Variants in LRRC4C observed in about 807,000 individuals in gnomAD.
LRRC4C encodes leucine-rich repeat-containing protein 4C.
In LRRC4C, 5 loss-of-function variants were observed where a neutral mutation model predicts 33.6. The ratio of observed to expected loss-of-function variants is 0.15; its 90% CI spans 0.08 to 0.31. LRRC4C has a LOEUF of 0.31. Among genes scored for constraint, LRRC4C ranks in the 10% least tolerant of loss-of-function variants. The pLI, the probability that LRRC4C is intolerant of heterozygous loss-of-function variation, is 1.00. For missense variants in LRRC4C, 560 were observed against 796.7 expected, an observed-to-expected ratio of 0.70 and a Z score of 3.58; for synonymous variants, 329 against 302.0, an observed-to-expected ratio of 1.09 and a Z score of -0.93.
intron 4 of LRRC4C, among the ~76,000 whole-genome samples, chr11:40,288,085 G>T (rs1035000660): frequency 6.6e-5 from 10 of 152,138 alleles, no homozygotes; most frequent in Admixed American, 6.6e-4. Context: ...CATCCTCACG[G>T]CAGACAGTTC....
intron 1 of LRRC4C, among the ~76,000 whole-genome samples, chr11:41,157,226 AG>A (rs1944272846): frequency 6.6e-6 from 1 of 152,078 alleles, no homozygotes; most frequent in Non-Finnish European, 1.5e-5. Context: ...TGTTCCAGAC[AG>A]GGGAAGATAA....
At chr11:41,412,689 G>A (rs1954534199) in intron 1 of LRRC4C, among the ~76,000 whole-genome samples, 1 of 152,188 alleles carries the variant, frequency 6.6e-6, no homozygotes, top group South Asian at 2.1e-4. Flanking sequence ...CAGGACTTGA[G>A]ACAGGGTAAT....
intron 4 of LRRC4C, among the ~76,000 whole-genome samples, chr11:40,313,959 A>G (rs940653371): frequency 2.0e-5 from 3 of 152,054 alleles, no homozygotes; most frequent in African/African-American, 4.8e-5. Context: ...CATTTTATGA[A>G]TAAGACCTCA....
chr11:41,220,810 A>G (rs1470640337), intron 1 of LRRC4C, among the ~76,000 whole-genome samples: 2 of 152,190 alleles, frequency 1.3e-5, no homozygotes, highest in Non-Finnish European at 2.9e-5. Context: ...TATTTATTCA[A>G]ATAACAAGAA....
intron 1 of LRRC4C, among the ~76,000 whole-genome samples, chr11:41,231,836 T>C (rs1249239678): frequency 6.6e-6 from 1 of 151,898 alleles, no homozygotes; most frequent in Non-Finnish European, 1.5e-5. Context: ...TATGTATATA[T>C]ATACACACAT....
At chr11:40,879,857 C>A (rs973227715) in intron 2 of LRRC4C, among the ~76,000 whole-genome samples, 1 of 152,136 alleles carries the variant, frequency 6.6e-6, no homozygotes, top group Non-Finnish European at 1.5e-5. Flanking sequence ...ATTGTATTTT[C>A]CAAAGACAGC....
intron 1 of LRRC4C, among the ~76,000 whole-genome samples, chr11:41,039,540 C>A (rs1857296849): frequency 6.6e-6 from 1 of 152,216 alleles, no homozygotes; most frequent in Admixed American, 6.5e-5. Context: ...TGGCCTACTA[C>A]CAGAAATAGG....
intron 1 of LRRC4C, among the ~76,000 whole-genome samples, chr11:41,081,589 T>C (rs910383708): frequency 6.6e-6 from 1 of 152,142 alleles, no homozygotes; most frequent in Admixed American, 6.5e-5. Flanking sequence ...TATCCACCTA[T>C]TGCAGGGAGA....
At chr11:40,177,852 T>C (rs1236499046) in intron 5 of LRRC4C, among the ~76,000 whole-genome samples, 1 of 152,196 alleles carries the variant, frequency 6.6e-6, no homozygotes, top group Admixed American at 6.5e-5. Flanking sequence ...TCCCCACTGA[T>C]GTACCCCGAG....
At chr11:40,298,271 T>A (rs1293407585) in intron 4 of LRRC4C, among the ~76,000 whole-genome samples, 1 of 152,036 alleles carries the variant, frequency 6.6e-6, no homozygotes, top group African/African-American at 2.4e-5. Flanking sequence ...CCATTTGAAA[T>A]CTTAATAGCT....
chr11:40,414,112 A>G (rs1490398094), intron 3 of LRRC4C, among the ~76,000 whole-genome samples: 2 of 152,104 alleles, frequency 1.3e-5, no homozygotes, highest in East Asian at 3.9e-4. Flanking sequence ...TGGCTAAAAG[A>G]TGATGAAATC....
intron 1 of LRRC4C, among the ~76,000 whole-genome samples, chr11:40,994,958 C>T (rs1051083178): frequency 1.3e-5 from 2 of 152,058 alleles, no homozygotes; most frequent in Admixed American, 1.3e-4. Flanking sequence ...AATGTGACTT[C>T]TTTACACAGA....
At chr11:41,340,698 A>T (rs1453582773) in intron 1 of LRRC4C, among the ~76,000 whole-genome samples, 2 of 152,200 alleles carry the variant, frequency 1.3e-5, no homozygotes, top group Non-Finnish European at 1.5e-5. Context: ...TATTTGTCTC[A>T]GTTTTCTCCT....
intron 3 of LRRC4C, among the ~76,000 whole-genome samples, chr11:40,590,358 T>C (rs1958981860): frequency 7.0e-6 from 1 of 142,688 alleles, no homozygotes; most frequent in Non-Finnish European, 1.6e-5. Flanking sequence ...TATGTATTGG[T>C]TATTCTACTT....
At chr11:41,085,033 C>T (rs1939863418) in intron 1 of LRRC4C, among the ~76,000 whole-genome samples, 2 of 152,146 alleles carry the variant, frequency 1.3e-5, no homozygotes, top group South Asian at 2.1e-4. Flanking sequence ...TAGCCAAGAT[C>T]GACACAGATA....
At chr11:40,771,400 A>G (rs538427012) in intron 2 of LRRC4C, among the ~76,000 whole-genome samples, 7 of 152,246 alleles carry the variant, frequency 4.6e-5, no homozygotes, top group East Asian at 1.9e-4. Context: ...AGCCCAGGAA[A>G]CCATTTTTCC....
chr11:40,728,705 T>C (rs543799204), intron 2 of LRRC4C, among the ~76,000 whole-genome samples: 1 of 150,694 alleles, frequency 6.6e-6, no homozygotes, highest in South Asian at 2.1e-4. Context: ...CTATTCACCA[T>C]AGCAAAGTCA....
At chr11:40,840,777 T>C (rs1952877315) in intron 2 of LRRC4C, among the ~76,000 whole-genome samples, 2 of 152,178 alleles carry the variant, frequency 1.3e-5, no homozygotes, top group Non-Finnish European at 2.9e-5. Context: ...GGCTTATGAA[T>C]AAAGAACAGT....
intron 1 of LRRC4C, among the ~76,000 whole-genome samples, chr11:41,155,804 G>A (rs958966331): frequency 5.9e-5 from 9 of 152,060 alleles, no homozygotes; most frequent in African/African-American, 1.9e-4. Context: ...TTTGCTTCTC[G>A]ATCCCCCTAA....
Sources: gnomAD v4.1 joint callset for allele counts (sites outside exome capture counted in the v4.1 genomes callset) on GRCh38, gnomAD v4.1.1 for gene constraint, MANE v1.5 for transcripts, NCBI Gene and HGNC (gene_info 2026-07-23, HGNC 2026-07-21) for gene names.